Variants in NOA1 observed in about 807,000 individuals in gnomAD.
NOA1 encodes nitric oxide associated 1, also known as nitric oxide-associated protein 1.
NOA1 carries 35 observed loss-of-function variants against 58.4 expected under a neutral mutation model. The observed-to-expected ratio is 0.60, with a 90% CI of 0.46 to 0.79. NOA1 has a LOEUF of 0.79. Ranked by LOEUF, NOA1 falls within the 30% of genes least tolerant of loss-of-function variation. The pLI is 0.00. For synonymous variants in NOA1, 397 were observed against 373.4 expected (o/e 1.06, Z -0.73); for missense variants, 895 against 894.6 (o/e 1.00, Z -0.01).
At chr4:56,965,098 C>A in intron 5 of NOA1, among the ~76,000 whole-genome samples, 1 of 151,894 alleles carries the variant, frequency 6.6e-6, no homozygotes, top group Non-Finnish European at 1.5e-5. Context: ...CTCCAAGGCT[C>A]AAGTGATTCT....
At chr4:56,973,795 A>T in intron 2 of NOA1, 63 bp downstream of exon 2, 2 of 1,527,538 alleles carry the variant, frequency 1.3e-6, no homozygotes, top group Non-Finnish European at 1.8e-6. Context: ...GCTGTATTTC[A>T]GGTTGCTTAA....
chr4:56,970,306 T>C (rs535158549), intron 3 of NOA1, among the ~76,000 whole-genome samples: 1 of 151,948 alleles, frequency 6.6e-6, no homozygotes, highest in East Asian at 2.0e-4. Flanking sequence ...GTCCTGTCTC[T>C]ACAAAAACTA....
intron 1 of NOA1, among the ~76,000 whole-genome samples, chr4:56,975,278 C>T (rs1359630216): frequency 6.6e-6 from 1 of 151,944 alleles, no homozygotes. Flanking sequence ...CCACCTTGGC[C>T]TCCCAAAGTG....
In NOA1 at chr4:56,977,343, C is replaced by T; in HGVS notation, c.243G>A (p.Pro81=). 9.9e-6 allele frequency: 16 copies of T among 1,614,186 alleles called. No homozygotes were observed. Among genetic ancestry groups the T allele is most frequent in the Non-Finnish European group, 1.4e-5 (16 of 1,180,036 alleles). ...RFLFPEYILD[P]EPQPTREKQL... is the part of the protein sequence containing the mutation. The stretch of plus-strand genomic sequence containing the variant: ...GCTTTTCGCGGGTGGGTTGCGGCTC[C>T]GGATCCAGGATGTACTCCGGGAACA... Residue 81 remains proline (P), a synonymous_variant, in exon 1 of 7, where the codon CCG becomes CCA. Coordinates refer to ENST00000264230, the MANE Select transcript of NOA1 (RefSeq NM_032313.4).
chr4:56,975,659 C>T (rs980873514), intron 1 of NOA1, among the ~76,000 whole-genome samples: 3 of 151,930 alleles, frequency 2.0e-5, no homozygotes, highest in African/African-American at 4.8e-5. Context: ...GGGCGGATCA[C>T]GAGGTCAGGG....
At chr4:56,974,158 G>A (rs929313885) in intron 1 of NOA1, 136 bp from the exon 2 acceptor site, 13 of 661,726 alleles carry the variant, frequency 2.0e-5, no homozygotes, top group Non-Finnish European at 3.2e-5. Flanking sequence ...GAGGAAATAG[G>A]TTAAGAGATT....
intron 3 of NOA1, among the ~76,000 whole-genome samples, chr4:56,972,924 T>C (rs1721831948): frequency 6.6e-6 from 1 of 152,182 alleles, no homozygotes; most frequent in African/African-American, 2.4e-5. Context: ...TTTCTGCCAA[T>C]TAAGACAGCA....
At position 56,968,469 on chromosome 4, in the gene NOA1, G is replaced by A. The variant is rs974523222; in HGVS notation, c.1562C>T (p.Thr521Ile). The change falls in exon 4 of 7, where the codon ACA (threonine) becomes ATA (isoleucine). Residue 521 changes from threonine to isoleucine, a missense_variant. Thr to Ile is a moderately conservative substitution (Grantham distance 89, BLOSUM62 -1). Coordinates refer to ENST00000264230, the MANE Select transcript of NOA1 (RefSeq NM_032313.4). ...AAAAGTTCTTGGAACAATGGACTGT[G>A]TTGGCAAAACAATATTTACTTCTTT... ...TEKEVNIVLP[T>I]QSIVPRTFVL... 1 of 1,609,918 alleles carries A rather than the reference G, an allele frequency of 6.2e-7. No homozygotes were observed.
intron 3 of NOA1, among the ~76,000 whole-genome samples, chr4:56,971,946 T>C (rs1721818749): frequency 6.6e-6 from 1 of 151,554 alleles, no homozygotes; most frequent in Non-Finnish European, 1.5e-5. Flanking sequence ...TGGAGTGCAG[T>C]GGCACGATCT....
At chr4:56,964,145 G>A (rs775808197) in intron 6 of NOA1, among the ~76,000 whole-genome samples, 36 of 150,756 alleles carry the variant, frequency 2.4e-4, no homozygotes, top group Non-Finnish European at 3.8e-4. Context: ...TAGGCTCACC[G>A]CAACCTCCGC....
At chr4:56,966,562 A>G in intron 5 of NOA1, 58 bp downstream of exon 5, 1 of 1,008,148 alleles carries the variant, frequency 9.9e-7, no homozygotes, top group South Asian at 1.3e-5. Context: ...TAACAGAGCT[A>G]TGGGACCATC....
chr4:56,963,635 T>C lies in NOA1; in HGVS notation c.1912A>G (p.Lys638Glu). The part of the protein sequence containing the change: ...AGWVSVTPNF[K>E]DRLHLRGYTP... ...TAGCCTCGGAGATGCAGTCTGTCCT[T>C]AAAATTAGGTGTTACTGAAACCCAA... Residue 638 changes from lysine (K) to glutamate (E), a missense_variant, in exon 7 of 7, where the codon AAG (lysine) becomes GAG (glutamate). By Grantham distance (56) the Lys-to-Glu change is moderately conservative. Around this residue, in one of 3 missense-constraint regions of NOA1, gnomAD observed 212 missense variants for 221.3 expected, o/e 0.96. Coordinates refer to ENST00000264230, the MANE Select transcript of NOA1 (RefSeq NM_032313.4). 2 of 1,614,052 alleles carry C rather than the reference T, an allele frequency of 1.2e-6. No individual in the cohort carries two copies. Among genetic ancestry groups the C allele is most frequent in the African/African-American group, 1.3e-5 (1 of 74,998 alleles).
At position 56,976,610 on chromosome 4, in the gene NOA1, C is replaced by A. The variant is rs1409937095; in HGVS notation, c.976G>T (p.Glu326Ter). The stretch of plus-strand genomic sequence containing the variant: ...GAGCGCTGAAGGGCAGAGATCAACT[C>A]TTCCACTCCATAGCCGGTCTTGGCG... ...ISAKTGYGVE[E>*]LISALQRSWR... The change falls in exon 1 of 7, where the codon GAG (glutamate) becomes TAG (stop). Residue 326 changes from glutamate (E) to a stop codon, truncating the protein, a stop_gained. Coordinates refer to ENST00000264230, the MANE Select transcript of NOA1 (RefSeq NM_032313.4). LOFTEE classifies it high-confidence loss of function. The A allele has an allele frequency of 1.1e-5, 17 of 1,614,228 alleles. No individual in the cohort carries two copies. Among genetic ancestry groups the A allele is most frequent in the Non-Finnish European group, 1.4e-5 (17 of 1,180,038 alleles).
Position 56,977,123 on chromosome 4 carries a change from C to A in NOA1, c.463G>T (p.Val155Leu), listed in dbSNP as rs1358071005. 5.1e-6 allele frequency: 8 copies of A among 1,554,940 alleles called. No homozygotes were observed. Among genetic ancestry groups the A allele is most frequent in the Non-Finnish European group, 6.1e-6 (7 of 1,153,178 alleles). ...GAELHCQDAG[V>L]PGYLPREKFL... ...TTCTCTCGGGGCAGGTAGCCGGGCA[C>A]TCCGGCGTCCTGGCAGTGCAGCTCT... is the stretch of plus-strand genomic sequence containing the variant. The change falls in exon 1 of 7, where the codon GTG becomes TTG. Residue 155 changes from valine to leucine, a missense_variant. By Grantham distance (32) the Val-to-Leu change is conservative. Around this residue, in one of 3 missense-constraint regions of NOA1, gnomAD observed 680 missense variants for 656.5 expected, o/e 1.04. Coordinates refer to ENST00000264230, the MANE Select transcript of NOA1 (RefSeq NM_032313.4).
rs1253672908 is a variant in NOA1 at position 56,976,906 on chromosome 4, G to A, written c.680C>T (p.Pro227Leu). The A allele has an allele frequency of 1.9e-6, 3 of 1,612,208 alleles. No individual in the cohort carries two copies. Among genetic ancestry groups the A allele is most frequent in the Admixed American group, 3.3e-5 (2 of 60,006 alleles). Residue 227 changes from proline to leucine, a missense_variant, in exon 1 of 7, where the codon CCC becomes CTC. By Grantham distance (98) the Pro-to-Leu change is moderately conservative. Transcript: ENST00000264230. Reference protein sequence around the residue: ...VLYMVDLLDLPDALLPDLPAL... With the variant: ...VLYMVDLLDLLDALLPDLPAL... ...GGGCAAGTCGGGCAGCAGGGCGTCG[G>A]GCAGGTCCAGCAGGTCCACCATGTA... is the stretch of plus-strand genomic sequence containing the variant.
chr4:56,965,345 CTG>C (rs1240611650), intron 5 of NOA1, among the ~76,000 whole-genome samples: 3 of 152,098 alleles, frequency 2.0e-5, no homozygotes, highest in Non-Finnish European at 4.4e-5. Flanking sequence ...CAAATCTCTC[CTG>C]TGTTTAGCAC....
intron 5 of NOA1, among the ~76,000 whole-genome samples, chr4:56,965,406 A>G (rs1176399175): frequency 6.6e-6 from 1 of 152,180 alleles, no homozygotes; most frequent in African/African-American, 2.4e-5. Context: ...CCCCAAGGAA[A>G]TCAAAGGGGT....
intron 6 of NOA1, 62 bp from the exon 7 acceptor site, chr4:56,963,723 A>G: frequency 2.4e-6 from 3 of 1,246,390 alleles, no homozygotes; most frequent in South Asian, 1.2e-5. Context: ...AAAATACCAA[A>G]CCAAAGCTGA....
Position 56,963,475 on chromosome 4 carries a change from T to G in NOA1, c.2072A>C (p.Lys691Thr). 3 of 1,614,176 alleles carry G rather than the reference T, an allele frequency of 1.9e-6. No homozygotes were observed. In the Middle Eastern group the frequency reaches 5.0e-4, roughly 266 times the overall value. ...TCATACATTTATCTTTCCTTTCTTC[T>G]TCCTCACGTTGTACATAAGGGAAGG... ...KPPSLMYNVR[K>T]KKGKINV is the part of the protein sequence containing the mutation. Residue 691 changes from lysine to threonine, a missense_variant, in exon 7 of 7, where the codon AAG (lysine) becomes ACG (threonine). Physicochemically the swap from Lys to Thr is moderately conservative, Grantham distance 78 (BLOSUM62 -1). Around this residue, in one of 3 missense-constraint regions of NOA1, gnomAD observed 212 missense variants for 221.3 expected, o/e 0.96. Transcript: ENST00000264230.
Sources: allele counts gnomAD v4.1 joint callset (sites outside exome capture counted in the v4.1 genomes callset), GRCh38; gene constraint gnomAD v4.1.1; regional missense constraint gnomAD v4.1.1; transcripts MANE v1.5; gene names NCBI Gene and HGNC (gene_info 2026-07-23, HGNC 2026-07-21).